Variants in RABGAP1L observed in about 807,000 individuals in gnomAD.
RABGAP1L encodes the protein RAB GTPase activating protein 1 like, also known as rab GTPase-activating protein 1-like.
A neutral mutation model predicts 137.7 loss-of-function variants in RABGAP1L; 63 were observed. The observed-to-expected ratio is 0.46, with a 90% CI of 0.37 to 0.56. RABGAP1L has a LOEUF of 0.56. Ranked by LOEUF, RABGAP1L falls within the 20% of genes least tolerant of loss-of-function variation. RABGAP1L has a pLI of 0.00. For missense variants in RABGAP1L, 1,095 were observed against 1,244.0 expected (o/e 0.88, Z 1.80); for synonymous variants, 431 against 433.7 (o/e 0.99, Z 0.08).
chr1:174,610,234 T>C (rs1280773062), intron 13 of RABGAP1L, among the ~76,000 whole-genome samples: 1 of 118,424 alleles, frequency 8.4e-6, no homozygotes, highest in Non-Finnish European at 1.6e-5. Flanking sequence ...GTCCCCAGAG[T>C]GTGATGTTCC....
chr1:174,597,456 C>T (rs1197217540), intron 13 of RABGAP1L, among the ~76,000 whole-genome samples: 1 of 151,950 alleles, frequency 6.6e-6, no homozygotes, highest in Non-Finnish European at 1.5e-5. Context: ...TTATATGTGT[C>T]TAGGAATTTG....
intron 13 of RABGAP1L, among the ~76,000 whole-genome samples, chr1:174,597,571 C>G (rs2148153708): frequency 6.6e-6 from 1 of 151,684 alleles, no homozygotes; most frequent in South Asian, 2.1e-4. Flanking sequence ...TTTTTAATCT[C>G]TGATTTTATT....
chr1:174,980,241 C>T lies in RABGAP1L; in HGVS notation c.2733+1351C>T, dbSNP rs368122684. 1.6e-3 allele frequency among the ~76,000 whole-genome samples: 239 copies of T among 152,060 alleles called. 1 individual carries two copies. The highest frequency in any genetic ancestry group is 4.4e-3 in the South Asian group (21 of 4,808). ...TATGAACATCTTTCCATAAGGAATC[C>T]GCATATTCACGGACGATTGATAAAT... On this transcript the variant is annotated intron_variant, in intron 23 of 25. Coordinates refer to ENST00000681986, the MANE Select transcript of RABGAP1L (RefSeq NM_001366446.1).
intron 12 of RABGAP1L, among the ~76,000 whole-genome samples, chr1:174,383,062 G>A (rs1377709408): frequency 6.6e-6 from 1 of 151,198 alleles, no homozygotes; most frequent in Non-Finnish European, 1.5e-5. Context: ...TGAGGTGTCA[G>A]TGTGCCCCTG....
chr1:174,231,174 G>T lies in RABGAP1L; in HGVS notation c.361G>T (p.Gly121Cys), dbSNP rs1230968830. The T allele has an allele frequency of 1.9e-6, 3 of 1,613,070 alleles. No individual in the cohort carries two copies. The South Asian group carries it at 3.3e-5, about 18-fold the overall frequency. ...EISTPRPSSP[G>C]GLPEEDSVLF... ...TTCTACACCCAGACCATCTTCTCCA[G>T]GTGGACTACCTGAAGAAGATAGTGT... Residue 121 changes from glycine to cysteine, a missense_variant, in exon 4 of 26, where the codon GGT (glycine) becomes TGT (cysteine). This residue lies in a region of RABGAP1L where 356 missense variants were observed against 326.3 expected (regional missense o/e 1.09). Transcript: ENST00000681986.
intron 12 of RABGAP1L, among the ~76,000 whole-genome samples, chr1:174,388,647 A>G (rs1257612154): frequency 2.6e-5 from 4 of 152,104 alleles, no homozygotes; most frequent in Admixed American, 6.5e-5. Context: ...AGGCAGAATA[A>G]TATCTGGATA....
chr1:174,664,724 T>TGC (rs1281375902), intron 14 of RABGAP1L, among the ~76,000 whole-genome samples: 13 of 137,728 alleles, frequency 9.4e-5, no homozygotes, highest in Admixed American at 1.5e-4. Context: ...TCTTTCTTTC[T>TGC]TTCTGCTTTC....
At chr1:174,827,937 T>C (rs1691752529) in intron 19 of RABGAP1L, among the ~76,000 whole-genome samples, 2 of 148,420 alleles carry the variant, frequency 1.3e-5, no homozygotes, top group Admixed American at 1.3e-4. Context: ...CTTTGCACAA[T>C]GTCCAGTGGT....
intron 18 of RABGAP1L, among the ~76,000 whole-genome samples, chr1:174,804,603 G>A (rs750484508): frequency 6.6e-6 from 1 of 152,072 alleles, no homozygotes; most frequent in East Asian, 1.9e-4. Flanking sequence ...GTGAACCACC[G>A]TGCCCGGCCT....
At chr1:174,895,628 T>C (rs904314297) in intron 19 of RABGAP1L, among the ~76,000 whole-genome samples, 2 of 151,748 alleles carry the variant, frequency 1.3e-5, no homozygotes, top group African/African-American at 4.8e-5. Flanking sequence ...GTATGTGATG[T>C]TCCCCTTCCT....
intron 13 of RABGAP1L, among the ~76,000 whole-genome samples, chr1:174,394,470 TATAATC>T (rs1222193829): frequency 2.0e-5 from 3 of 152,182 alleles, no homozygotes; most frequent in African/African-American, 7.2e-5. Flanking sequence ...TTTATATAGT[TATAATC>T]ATACATAGTT....
At chr1:174,578,391 G>T (rs1018104547) in intron 13 of RABGAP1L, among the ~76,000 whole-genome samples, 1 of 151,894 alleles carries the variant, frequency 6.6e-6, no homozygotes, top group Non-Finnish European at 1.5e-5. Flanking sequence ...TCACTATTTT[G>T]CCCTGGCTGG....
At chr1:174,226,587 C>T (rs1402128586) in intron 3 of RABGAP1L, among the ~76,000 whole-genome samples, 1 of 152,100 alleles carries the variant, frequency 6.6e-6, no homozygotes, top group East Asian at 1.9e-4. Context: ...TGAAGTTCTG[C>T]TATTAAGGGC....
chr1:174,558,705 A>G (rs758549624), intron 13 of RABGAP1L, among the ~76,000 whole-genome samples: 1 of 152,224 alleles, frequency 6.6e-6, no homozygotes, highest in Non-Finnish European at 1.5e-5. Flanking sequence ...TACCTTATAT[A>G]TCTCATTCCT....
intron 11 of RABGAP1L, among the ~76,000 whole-genome samples, chr1:174,370,463 CTTTTTTTTTTTTT>C (rs1183875194): frequency 2.6e-5 from 1 of 37,878 alleles, no homozygotes; most frequent in African/African-American, 1.1e-4. Flanking sequence ...TTAAAAATAC[CTTTTTTTTTTTTT>C]TTTTTTTTTT....
At chr1:174,564,695 G>T (rs1243759200) in intron 13 of RABGAP1L, among the ~76,000 whole-genome samples, 1 of 152,184 alleles carries the variant, frequency 6.6e-6, no homozygotes, top group Non-Finnish European at 1.5e-5. Context: ...ATTTCAGGCA[G>T]CCCAAGTGCC....
At chr1:174,353,450 C>G (rs1179572645) in intron 11 of RABGAP1L, among the ~76,000 whole-genome samples, 2 of 152,022 alleles carry the variant, frequency 1.3e-5, no homozygotes, top group Non-Finnish European at 2.9e-5. Context: ...TTGCTCCAAG[C>G]CCAGCATAGC....
intron 18 of RABGAP1L, among the ~76,000 whole-genome samples, chr1:174,776,367 TTCATC>T (rs2148746955): frequency 6.6e-6 from 1 of 151,960 alleles, no homozygotes; most frequent in Non-Finnish European, 1.5e-5. Context: ...ACAATGAGAC[TTCATC>T]TCAAAAAATA....
intron 7 of RABGAP1L, among the ~76,000 whole-genome samples, chr1:174,268,408 T>G (rs1189044476): frequency 1.3e-5 from 2 of 152,104 alleles, no homozygotes; most frequent in African/African-American, 2.4e-5. Flanking sequence ...TTTCACCATG[T>G]TAGCCAGGAT....
Sources: gnomAD v4.1 joint callset for allele counts (sites outside exome capture counted in the v4.1 genomes callset) on GRCh38, gnomAD v4.1.1 for gene constraint, gnomAD v4.1.1 regional missense constraint, MANE v1.5 for transcripts, NCBI Gene and HGNC (gene_info 2026-07-23, HGNC 2026-07-21) for gene names.